Variants in STKLD1 observed in about 807,000 individuals in gnomAD.
The protein encoded by STKLD1 is serine/threonine kinase-like domain-containing protein STKLD1.
In STKLD1, 79 loss-of-function variants were observed where a neutral mutation model predicts 80.4. The observed-to-expected ratio is 0.98, with a 90% CI of 0.82 to 1.19. The LOEUF is 1.19. Ranked by LOEUF, STKLD1 falls within the 50% of genes most tolerant of loss-of-function variation. The pLI, the probability that STKLD1 is intolerant of heterozygous loss-of-function variation, is 0.00. For missense variants in STKLD1, 841 were observed against 856.0 expected, an observed-to-expected ratio of 0.98 and a Z score of 0.22; for synonymous variants, 393 against 357.6, an observed-to-expected ratio of 1.10 and a Z score of -1.12.
At position 133,402,978 on chromosome 9, in the gene STKLD1, CG is replaced by C. The variant is rs782206934; in HGVS notation, c.1442del (p.Gly481AlafsTer15). The C allele has an allele frequency of 6.3e-7, 1 of 1,577,136 alleles. No individual in the cohort carries two copies. Among genetic ancestry groups the C allele is most frequent in the Non-Finnish European group, 8.6e-7 (1 of 1,161,712 alleles). On this transcript the variant is annotated frameshift_variant, in exon 14 of 18. Transcript: ENST00000371957. LOFTEE classifies it high-confidence loss of function. The stretch of plus-strand genomic sequence containing the variant: ...TCGAAAGCAGGGACGTCTGCGCCAG[CG>C]GCCTGGGCCTGCTCTGGGCCCTCCT... ...SLESRDVCAS[G>X]LGLLWALLLD... is the part of the protein sequence containing the mutation.
chr9:133,386,011 C>T lies in STKLD1; in HGVS notation c.294+320C>T, dbSNP rs181660426. ...TTGGCTCACTGCAACCTCTGCCTCC[C>T]GGGTTCAAGAGATTTTCTTGCCTCA... On this transcript the variant is annotated intron_variant, in intron 4 of 17. Transcript: ENST00000371957. 2.2e-3 allele frequency among the ~76,000 whole-genome samples: 330 copies of T among 152,132 alleles called. 1 individual carries two copies. The highest frequency in any genetic ancestry group is 3.7e-3 in the Admixed American group (57 of 15,284).
intron 16 of STKLD1, 22 bp downstream of exon 16, chr9:133,404,070 G>A (rs1197526894): frequency 1.3e-6 from 2 of 1,565,548 alleles, no homozygotes; most frequent in Admixed American, 1.9e-5. Flanking sequence ...GACAGGACGA[G>A]GCTGCCACCT....
Position 133,389,383 on chromosome 9 carries a change from C to T in STKLD1, c.397-143C>T. 1.4e-6 allele frequency: 2 copies of T among 1,456,658 alleles called. No homozygotes were observed. The highest frequency in any genetic ancestry group is 1.8e-6 in the Non-Finnish European group (2 of 1,100,922). The allele number at this position is 1,456,658 out of a possible 1,614,324, so 90.2% of individuals were successfully genotyped here. ...GCCACCACGCTGAAGCCTCCTCCAC[C>T]CTGAGCGCTTGGCTGGCTTCAGGCC... On this transcript the variant is annotated intron_variant, in intron 5 of 17. Coordinates refer to ENST00000371957, the MANE Select transcript of STKLD1 (RefSeq NM_153710.5). The surrounding 1 kb of genome is among the most constrained non-coding windows in gnomAD (Gnocchi z 6.4).
In STKLD1 at chr9:133,384,769, C is replaced by T. The variant is rs1319045269; in HGVS notation, c.220-848C>T. On this transcript the variant is annotated intron_variant, in intron 3 of 17. Coordinates refer to ENST00000371957, the MANE Select transcript of STKLD1 (RefSeq NM_153710.5). The surrounding 1 kb of genome is among the most constrained non-coding windows in gnomAD (Gnocchi z 4.3). ...CCCTTAATTCTACCATTGAGAGCTGCCCAGCAGTAACATACTCGTTTACAA... is the reference window on the plus strand; with the variant it reads ...CCCTTAATTCTACCATTGAGAGCTGTCCAGCAGTAACATACTCGTTTACAA... 6.6e-6 allele frequency: 1 copy of T among 152,082 alleles called. No individual in the cohort carries two copies. The highest frequency in any genetic ancestry group is 1.9e-4 in the East Asian group (1 of 5,188). 9.4% of individuals were successfully genotyped at this position (152,082 alleles called of 1,614,324 possible).
chr9:133,385,546 C>A lies in STKLD1; in HGVS notation c.220-71C>A. 6.7e-7 allele frequency: 1 copy of A among 1,487,528 alleles called. No individual in the cohort carries two copies. Among genetic ancestry groups the A allele is most frequent in the Non-Finnish European group, 9.3e-7 (1 of 1,071,320 alleles). 92.1% of individuals were successfully genotyped at this position (1,487,528 alleles called of 1,614,324 possible). A position where few individuals can be genotyped will look rare whatever the true frequency, so the allele number is the denominator to read the frequency against. On this transcript the variant is annotated intron_variant, in intron 3 of 17. Transcript: ENST00000371957. The surrounding 1 kb of genome is among the most constrained non-coding windows in gnomAD (Gnocchi z 4.9). Reference sequence around the variant, plus strand: ...CTTGCATGTTTGTTGGGATGTGTGACAGAGAAGCCCGAGCTGAGAAAGGCG... The same window carrying A: ...CTTGCATGTTTGTTGGGATGTGTGAAAGAGAAGCCCGAGCTGAGAAAGGCG...
At chr9:133,377,969 C>T (rs1409909687) in intron 1 of STKLD1, among the ~76,000 whole-genome samples, 3 of 152,190 alleles carry the variant, frequency 2.0e-5, no homozygotes. Flanking sequence ...AGCATGCAAC[C>T]TGGATCCCTC....
chr9:133,393,452 G>C (rs1838471339), intron 7 of STKLD1, among the ~76,000 whole-genome samples: 1 of 142,648 alleles, frequency 7.0e-6, no homozygotes, highest in South Asian at 2.3e-4. Flanking sequence ...GAGTGCATGG[G>C]TTGTGGATGG....
At chr9:133,391,216 C>T (rs1363060344) in intron 7 of STKLD1, among the ~76,000 whole-genome samples, 1 of 148,820 alleles carries the variant, frequency 6.7e-6, no homozygotes, top group African/African-American at 2.5e-5. Context: ...CCCAGACAGC[C>T]GCCCTGTCCG....
rs2130271342 is a variant in STKLD1, at chr9:133,383,883, A to G, written c.202A>G (p.Ser68Gly). The G allele has an allele frequency of 1.7e-5, 27 of 1,613,900 alleles. No individual in the cohort carries two copies. The highest frequency in any genetic ancestry group is 2.2e-5 in the Non-Finnish European group (26 of 1,179,978). Residue 68 changes from serine to glycine, a missense_variant, in exon 3 of 18, where the codon AGT (serine) becomes GGT (glycine). Coordinates refer to ENST00000371957, the MANE Select transcript of STKLD1 (RefSeq NM_153710.5). Reference protein sequence around the residue: ...QVECMDDHYASQALEELMPLL... With the variant: ...QVECMDDHYAGQALEELMPLL... ...GGAATGCATGGATGACCATTACGCC[A>G]GTCAGGCCCTGGAGGAGGTAACTCT...
At chr9:133,387,283 G>A (rs1394748897) in intron 4 of STKLD1, among the ~76,000 whole-genome samples, 164 bp from the exon 5 acceptor site, 1 of 152,088 alleles carries the variant, frequency 6.6e-6, no homozygotes, top group Non-Finnish European at 1.5e-5. Flanking sequence ...GGAGAGAGAG[G>A]AAGCTGAAGG....
rs17150557 is a variant in STKLD1, at chr9:133,405,671, C to A, written c.*250C>A. 1 of 374,868 alleles carries A rather than the reference C, an allele frequency of 2.7e-6. No individual in the cohort carries two copies. The highest frequency in any genetic ancestry group is 2.1e-5 in the African/African-American group (1 of 47,572). 23.2% of individuals were successfully genotyped at this position (374,868 alleles called of 1,614,324 possible). On this transcript the variant is annotated 3_prime_UTR_variant, in exon 18 of 18. Coordinates refer to ENST00000371957, the MANE Select transcript of STKLD1 (RefSeq NM_153710.5). ...TCCTTCCAGGAACTGGTTTCTTGCG[C>A]GGAAAAAGTGCTCTTGAGGCTGGAG...
Position 133,390,939 on chromosome 9 carries a change from A to T in STKLD1, c.583+143A>T. The T allele has an allele frequency of 2.9e-6, 2 of 680,456 alleles. No individual in the cohort carries two copies. Among genetic ancestry groups the T allele is most frequent in the South Asian group, 3.5e-5 (2 of 57,088 alleles). 42.2% of individuals were successfully genotyped at this position (680,456 alleles called of 1,614,324 possible). A position where few individuals can be genotyped will look rare whatever the true frequency, so the allele number is the denominator to read the frequency against. Reference sequence around the variant, plus strand: ...CCCACAAAGCCCTGGCCTTGTGTAAACTCCAAAGAGACCTCCTTTGGGTTG... The same window carrying T: ...CCCACAAAGCCCTGGCCTTGTGTAATCTCCAAAGAGACCTCCTTTGGGTTG... On this transcript the variant is annotated intron_variant, in intron 7 of 17. Transcript: ENST00000371957. The surrounding 1 kb of genome is among the most constrained non-coding windows in gnomAD (Gnocchi z 5.1).
In STKLD1 at chr9:133,385,673, C is replaced by T; in HGVS notation, c.276C>T (p.Phe92=). 6.2e-7 allele frequency: 1 copy of T among 1,613,152 alleles called. No homozygotes were observed. Among genetic ancestry groups the T allele is most frequent in the Non-Finnish European group, 8.5e-7 (1 of 1,179,946 alleles). ...HAHISVYQEL[F]ITWNGEISSL... ...ACATCTCTGTGTACCAGGAGCTGTT[C>T]ATCACGTGGAATGGGGAGGTGGGTC... The change falls in exon 4 of 18, where the codon TTC becomes TTT. Residue 92 remains phenylalanine, a synonymous_variant. Transcript: ENST00000371957. This position sits in a 1 kb window ranked among gnomAD's most constrained non-coding sequence, Gnocchi z 4.9.
intron 4 of STKLD1, among the ~76,000 whole-genome samples, chr9:133,387,168 G>T (rs2130278910): frequency 0.069 from 10,486 of 152,240 alleles, 399 homozygotes; most frequent in Non-Finnish European, 0.09. Flanking sequence ...AAGCAGAGGG[G>T]TCCATGTGTG....
rs1220421755 is a variant in STKLD1 at position 133,380,424 on chromosome 9, C to A, written c.174+1302C>A. The stretch of plus-strand genomic sequence containing the variant: ...ATCGCAGCATTTTGGGAGGCCGAGG[C>A]AGGCAGATCCCTTGAGGTCAGAAGT... On this transcript the variant is annotated intron_variant, in intron 2 of 17. Transcript: ENST00000371957. Among the ~76,000 whole-genome samples the A allele has an allele frequency of 2.0e-5, 3 of 152,116 alleles. No individual in the cohort carries two copies. The East Asian group carries it at 5.9e-4, about 30-fold the overall frequency.
chr9:133,397,113 G>A (rs377092492), intron 9 of STKLD1, 51 bp from the exon 10 acceptor site: 32 of 1,609,378 alleles, frequency 2.0e-5, no homozygotes, highest in Non-Finnish European at 2.5e-5. Context: ...CCCACGGGGA[G>A]GTGGCAGGGG....
intron 16 of STKLD1, 75 bp from the exon 17 acceptor site, chr9:133,404,714 C>A: frequency 6.4e-7 from 1 of 1,553,552 alleles, no homozygotes; most frequent in South Asian, 1.2e-5. Flanking sequence ...TCTGGGGTCC[C>A]ATCCCGTCCT....
rs782486752 is a variant in STKLD1, at chr9:133,395,580, G to A, written c.703-20G>A. ...TCATTTACTTAAGGGAATACACAGA[G>A]CTGTCCTCTCTCCGTGCAGGGCACA... On this transcript the variant is annotated intron_variant, in intron 8 of 17. Transcript: ENST00000371957. The A allele has an allele frequency of 1.2e-6, 2 of 1,611,748 alleles. No individual in the cohort carries two copies. Among genetic ancestry groups the A allele is most frequent in the Middle Eastern group, 3.3e-4 (2 of 6,026 alleles).
intron 2 of STKLD1, among the ~76,000 whole-genome samples, chr9:133,379,895 A>G (rs1380407047): frequency 6.6e-6 from 1 of 152,244 alleles, no homozygotes; most frequent in African/African-American, 2.4e-5. Flanking sequence ...CAGTCCGTAC[A>G]GCTCCGCAGT....
Sources: gnomAD v4.1 joint callset for allele counts (sites outside exome capture counted in the v4.1 genomes callset) on GRCh38, gnomAD v4.1.1 for gene constraint, Gnocchi (gnomAD v3.1) non-coding constraint, MANE v1.5 for transcripts, NCBI Gene and HGNC (gene_info 2026-07-23, HGNC 2026-07-21) for gene names.